The following LHX6 variants were observed in gnomAD, a reference collection of about 807,000 sequenced individuals.
LHX6 encodes LIM/homeobox protein Lhx6.
In LHX6, 15 loss-of-function variants were observed where a neutral mutation model predicts 47.1. The observed-to-expected ratio is 0.32, with a 90% CI of 0.21 to 0.49. The LOEUF (loss-of-function observed/expected upper bound fraction) is 0.49. Among genes scored for constraint, LHX6 ranks in the 20% least tolerant of loss-of-function variants. The probability of loss-of-function intolerance (pLI) is 0.99; values close to 1 mark genes in which losing one functional copy is unlikely to be tolerated. For synonymous variants in LHX6, 242 were observed against 233.5 expected, an observed-to-expected ratio of 1.04 and a Z score of -0.33; for missense variants, 404 against 539.6, an observed-to-expected ratio of 0.75 and a Z score of 2.49.
intron 2 of LHX6, 81 bp downstream of exon 2, chr9:122,227,328 C>G: frequency 3.0e-6 from 4 of 1,320,474 alleles, no homozygotes; most frequent in Non-Finnish European, 4.0e-6. Context: ...AGCAGCAGTT[C>G]GTGGCCGGAA....
chr9:122,209,667 G>T lies in LHX6; in HGVS notation c.1105C>A (p.Pro369Thr), dbSNP rs41273919. The T allele has an allele frequency of 1.9e-3, 2,587 of 1,338,970 alleles. 7 individuals carry two copies. The highest frequency in any genetic ancestry group is 2.5e-3 in the Non-Finnish European group (2,287 of 928,404). 82.9% of individuals were successfully genotyped at this position (1,338,970 alleles called of 1,614,324 possible). Reference protein sequence around the residue: ...VHCRLPYTAPPVHLKADMDGP... With the variant: ...VHCRLPYTAPTVHLKADMDGP... ...TCCATATCGGCTTTGAGGTGGACGG[G>T]GGGTGCGGTGTAAGGCAGCCGGCAG... The change falls in exon 9 of 10, where the codon CCC (proline) becomes ACC (threonine). Residue 369 changes from proline (P) to threonine (T), a missense_variant. Transcript: ENST00000394319.
intron 4 of LHX6, among the ~76,000 whole-genome samples, chr9:122,218,997 G>A (rs545694604): frequency 1.3e-5 from 2 of 152,290 alleles, no homozygotes; most frequent in South Asian, 2.1e-4. Context: ...GGGTCCCGGG[G>A]TTGGGTGTGG....
chr9:122,220,108 C>T (rs890844349), intron 4 of LHX6, among the ~76,000 whole-genome samples: 1 of 152,262 alleles, frequency 6.6e-6, no homozygotes, highest in Non-Finnish European at 1.5e-5. Flanking sequence ...CTCCGCGCAC[C>T]GCGATCTTCC....
At position 122,214,264 on chromosome 9, in the gene LHX6, C is replaced by G. The variant is rs769699300; in HGVS notation, c.783+19G>C. On this transcript the variant is annotated intron_variant, in intron 6 of 9. Transcript: ENST00000394319. This position sits in a 1 kb window ranked among gnomAD's most constrained non-coding sequence, Gnocchi z 4.6. ...TCGGCCCGGCCCCCGCCCCCGCCGC[C>G]CACTGCTTGCAGCGGTACCTGCAGC... 8 of 1,576,254 alleles carry G rather than the reference C, an allele frequency of 5.1e-6. No individual in the cohort carries two copies. In the South Asian group the frequency reaches 9.2e-5, roughly 18 times the overall value.
intron 1 of LHX6, 57 bp downstream of exon 1, chr9:122,228,600 T>TC (rs1831211029): frequency 1.5e-6 from 2 of 1,302,566 alleles, no homozygotes; most frequent in East Asian, 6.7e-5. Flanking sequence ...CCCGGCTGGG[T>TC]CCCGGACCCT....
At position 122,217,851 on chromosome 9, in the gene LHX6, G is replaced by A. The variant is rs10760213; in HGVS notation, c.462-563C>T. ...TGAACAGACAGATAAGCACTTACTGGCTTTGTGACACTAGGCAAACTGTTT... is the reference window on the plus strand; with the variant it reads ...TGAACAGACAGATAAGCACTTACTGACTTTGTGACACTAGGCAAACTGTTT... On this transcript the variant is annotated intron_variant, in intron 4 of 9. Transcript: ENST00000394319. The surrounding 1 kb of genome is among the most constrained non-coding windows in gnomAD (Gnocchi z 4.9). Among the ~76,000 whole-genome samples the A allele has an allele frequency of 0.32, 48,455 of 151,886 alleles. 7,995 individuals carry two copies. The highest frequency in any genetic ancestry group is 0.39 in the Middle Eastern group (114 of 294).
In LHX6 at chr9:122,213,678, C is replaced by A; in HGVS notation, c.982G>T (p.Asp328Tyr). Residue 328 changes from aspartate to tyrosine, a missense_variant, in exon 8 of 10, where the codon GAC (aspartate) becomes TAC (tyrosine). Asp to Tyr is a radical substitution (Grantham distance 160). Transcript: ENST00000394319. This position sits in a 1 kb window ranked among gnomAD's most constrained non-coding sequence, Gnocchi z 5.5. ...CTGAACGGGGTGTAGTGGATGTCGT[C>A]GGACAGGGCGGAGGGAAGGCGGGAC... Reference protein sequence around the residue: ...PPSRLPSALSDDIHYTPFSSP... With the variant: ...PPSRLPSALSYDIHYTPFSSP... 1 of 1,612,516 alleles carries A rather than the reference C, an allele frequency of 6.2e-7. No homozygotes were observed. The highest frequency in any genetic ancestry group is 8.5e-7 in the Non-Finnish European group (1 of 1,179,794).
In LHX6 at chr9:122,228,696, G is replaced by A. The variant is rs1210515345; in HGVS notation, c.45C>T (p.Gly15=). ...GGCCGCCCTCGGCCGGCAGCCGGCA[G>A]CCCTCGGGCAACGCCGGGGCGGCGT... ...HENAAPALPE[G]CRLPAEGGPA... is the part of the protein sequence containing the mutation. Residue 15 remains glycine (G), a synonymous_variant, in exon 1 of 10, where the codon GGC becomes GGT. Transcript: ENST00000394319. 6.5e-5 allele frequency: 84 copies of A among 1,292,022 alleles called. No homozygotes were observed. Among genetic ancestry groups the A allele is most frequent in the Non-Finnish European group, 8.1e-5 (83 of 1,020,058 alleles). The allele number at this position is 1,292,022 out of a possible 1,614,324, so 80.0% of individuals were successfully genotyped here. A position where few individuals can be genotyped will look rare whatever the true frequency, so the allele number is the denominator to read the frequency against.
At chr9:122,220,897 C>T (rs573730334) in intron 4 of LHX6, among the ~76,000 whole-genome samples, 1 of 152,348 alleles carries the variant, frequency 6.6e-6, no homozygotes, top group Admixed American at 6.5e-5. Context: ...TGCTGGATAC[C>T]TAGTAAGCGC....
At chr9:122,211,959 C>A (rs1830412934) in intron 8 of LHX6, among the ~76,000 whole-genome samples, 1 of 152,142 alleles carries the variant, frequency 6.6e-6, no homozygotes, top group African/African-American at 2.4e-5. Flanking sequence ...AAATGTCGCT[C>A]CTATTGAGCA....
chr9:122,220,031 G>C (rs1039955605), intron 4 of LHX6, among the ~76,000 whole-genome samples: 7 of 152,230 alleles, frequency 4.6e-5, no homozygotes, highest in African/African-American at 1.7e-4. Flanking sequence ...GGGCAAGAGC[G>C]GCTGAGCCTT....
At chr9:122,224,749 G>A (rs1378986686) in intron 4 of LHX6, among the ~76,000 whole-genome samples, 1 of 152,024 alleles carries the variant, frequency 6.6e-6, no homozygotes, top group Non-Finnish European at 1.5e-5. Context: ...TTCACATACA[G>A]ACACCCACTC....
chr9:122,209,810 C>T, intron 8 of LHX6, 93 bp from the exon 9 acceptor site: 1 of 624,120 alleles, frequency 1.6e-6, no homozygotes, highest in South Asian at 1.9e-5. Flanking sequence ...GCCCTGAAAC[C>T]AGTTTCATCT....
In LHX6 at chr9:122,205,172, C is replaced by T. The variant is rs1389032518; in HGVS notation, c.1159-392G>A. Among the ~76,000 whole-genome samples the T allele has an allele frequency of 3.9e-5, 6 of 152,148 alleles. No homozygotes were observed. The South Asian group carries it at 8.3e-4, about 21-fold the overall frequency. ...GCACTCAGGCTCAAAGAGGTGGAAG[C>T]GAGTGAGCTCGTGGGCACACAGCGA... On this transcript the variant is annotated intron_variant, in intron 9 of 9. Coordinates refer to ENST00000394319, the MANE Select transcript of LHX6 (RefSeq NM_014368.5).
chr9:122,213,171 C>G lies in LHX6; in HGVS notation c.1054+435G>C, dbSNP rs1205659962. 6.6e-6 allele frequency among the ~76,000 whole-genome samples: 1 copy of G among 152,052 alleles called. No individual in the cohort carries two copies. Among genetic ancestry groups the G allele is most frequent in the Non-Finnish European group, 1.5e-5 (1 of 68,010 alleles). The stretch of plus-strand genomic sequence containing the variant: ...TTGCTGAAAGGCAGCCCAGCCCCTT[C>G]CCTTCCACCCCGCAGCATCTCCAGT... On this transcript the variant is annotated intron_variant, in intron 8 of 9. Coordinates refer to ENST00000394319, the MANE Select transcript of LHX6 (RefSeq NM_014368.5). The surrounding 1 kb of genome is among the most constrained non-coding windows in gnomAD (Gnocchi z 5.5).
Position 122,228,787 on chromosome 9 carries a change from C to T in LHX6, c.-47G>A, listed in dbSNP as rs1831220590. On this transcript the variant is annotated 5_prime_UTR_variant, in exon 1 of 10. Transcript: ENST00000394319. ...AGCGGGCGCGCAGCGCGGAGAGCTG[C>T]GCCGAGGGGGACCACAGCCGCAGTG... 2.5e-6 allele frequency: 3 copies of T among 1,190,524 alleles called. No homozygotes were observed. The East Asian group carries it at 1.0e-4, about 40-fold the overall frequency. The allele number at this position is 1,190,524 out of a possible 1,614,324, so 73.7% of individuals were successfully genotyped here.
intron 9 of LHX6, 86 bp from the exon 10 acceptor site, chr9:122,204,866 G>A: frequency 1.1e-6 from 1 of 936,890 alleles, no homozygotes; most frequent in Non-Finnish European, 1.5e-6. Flanking sequence ...GCACAGAGAA[G>A]AAGGGTGGAC....
Position 122,228,896 on chromosome 9 carries a change from G to C in LHX6, c.-156C>G, listed in dbSNP as rs549293341. 150 of 327,634 alleles carry C rather than the reference G, an allele frequency of 4.6e-4. No individual in the cohort carries two copies. In the East Asian group the frequency reaches 0.011, roughly 24 times the overall value. The allele number at this position is 327,634 out of a possible 1,614,324, so 20.3% of individuals were successfully genotyped here. The stretch of plus-strand genomic sequence containing the variant: ...GGCCCGGCCTCAGCCCCCGCCCCCG[G>C]CCCGCGCGCAGCCCCGGCCTCCCTG... On this transcript the variant is annotated 5_prime_UTR_variant, in exon 1 of 10. Coordinates refer to ENST00000394319, the MANE Select transcript of LHX6 (RefSeq NM_014368.5).
Position 122,214,994 on chromosome 9 carries a change from C to T in LHX6, c.683-611G>A, listed in dbSNP as rs1467183389. Among the ~76,000 whole-genome samples, 1 of 152,160 alleles carries T rather than the reference C, an allele frequency of 6.6e-6. No individual in the cohort carries two copies. Among genetic ancestry groups the T allele is most frequent in the Non-Finnish European group, 1.5e-5 (1 of 68,040 alleles). ...CTTCTGTAAGGTTTAATTTTGTTAA[C>T]CGGCGTATATGTTAGATATTCTCTT... On this transcript the variant is annotated intron_variant, in intron 5 of 9. Coordinates refer to ENST00000394319, the MANE Select transcript of LHX6 (RefSeq NM_014368.5). This position sits in a 1 kb window ranked among gnomAD's most constrained non-coding sequence, Gnocchi z 4.6.
Sources: allele counts gnomAD v4.1 joint callset (sites outside exome capture counted in the v4.1 genomes callset), GRCh38; gene constraint gnomAD v4.1.1; non-coding constraint Gnocchi (gnomAD v3.1); transcripts MANE v1.5; gene names NCBI Gene and HGNC (gene_info 2026-07-23, HGNC 2026-07-21).